The following DAB1 variants were observed in gnomAD, a reference collection of about 807,000 sequenced individuals.
DAB1 encodes the protein DAB adaptor protein 1.
Under a neutral mutation model 64.6 loss-of-function variants are expected in DAB1, and 15 were observed. The observed-to-expected ratio is 0.23, with a 90% CI of 0.16 to 0.36. The LOEUF (loss-of-function observed/expected upper bound fraction) is 0.36. DAB1 is among the 10% of genes least tolerant of loss of function. DAB1 has a pLI of 1.00. For synonymous variants in DAB1, 235 were observed against 251.9 expected (o/e 0.93, Z 0.64); for missense variants, 596 against 706.7 (o/e 0.84, Z 1.78).
At chr1:57,612,221 ATGTGTGTGCGTGTG>A (rs1645736437) in intron 7 of DAB1, among the ~76,000 whole-genome samples, 1 of 109,596 alleles carries the variant, frequency 9.1e-6, no homozygotes, top group Non-Finnish European at 1.9e-5. Flanking sequence ...GTGTGTGTGC[ATGTGTGTGCGTGTG>A]TGTGTGTAAA....
rs566488143 is a variant in DAB1 at position 57,774,083 on chromosome 1, T to A, written n.551+109916A>T. Among the ~76,000 whole-genome samples, 10 of 151,962 alleles carry A rather than the reference T, an allele frequency of 6.6e-5. No homozygotes were observed. The South Asian group carries it at 2.1e-3, about 31-fold the overall frequency. On this transcript the variant is annotated intron_variant and non_coding_transcript_variant, in intron 6 of 20. Transcript: ENST00000485760. ...GAGATCTCCTTGAATCATGAGTTAA[T>A]CTGGGGAAAATGGACATCATAAAAA...
intron 4 of DAB1, among the ~76,000 whole-genome samples, chr1:58,202,738 C>T (rs913223811): frequency 6.6e-5 from 10 of 152,168 alleles, no homozygotes; most frequent in Admixed American, 5.9e-4. Flanking sequence ...CAATAAAAAT[C>T]ACCTGCACTA....
chr1:57,525,097 T>G (rs1644575685), intron 7 of DAB1, among the ~76,000 whole-genome samples: 1 of 152,204 alleles, frequency 6.6e-6, no homozygotes, highest in South Asian at 2.1e-4. Flanking sequence ...GGATCAAAAA[T>G]TGTACCTCCT....
intron 2 of DAB1, among the ~76,000 whole-genome samples, chr1:57,151,801 T>A (rs922114175): frequency 6.7e-6 from 1 of 149,888 alleles, no homozygotes; most frequent in Admixed American, 6.6e-5. Flanking sequence ...TCTTTTCTAA[T>A]GTTTAATTTT....
intron 4 of DAB1, among the ~76,000 whole-genome samples, chr1:58,187,157 A>G (rs1657123729): frequency 6.6e-6 from 1 of 152,080 alleles, no homozygotes; most frequent in Non-Finnish European, 1.5e-5. Context: ...TGAAAGATTA[A>G]TCCACTTTAA....
intron 5 of DAB1, among the ~76,000 whole-genome samples, chr1:57,996,300 T>C (rs116702359): frequency 0.019 from 2,961 of 152,212 alleles, 36 homozygotes; most frequent in Non-Finnish European, 0.03. Context: ...CCATTCAGAA[T>C]TGTGATGAGA....
chr1:58,456,856 AT>A (rs1242121373), intron 3 of DAB1, among the ~76,000 whole-genome samples: 1 of 152,132 alleles, frequency 6.6e-6, no homozygotes, highest in Non-Finnish European at 1.5e-5. Flanking sequence ...GGGCATTGGT[AT>A]TTTTTAAAAA....
At chr1:57,865,972 G>A (rs1569877953) in intron 1 of DAB1, among the ~76,000 whole-genome samples, 3 of 152,244 alleles carry the variant, frequency 2.0e-5, no homozygotes, top group African/African-American at 7.2e-5. Flanking sequence ...TTCAAAGATG[G>A]TGCCTTCCAG....
At chr1:57,850,175 C>A (rs1451659941) in intron 1 of DAB1, among the ~76,000 whole-genome samples, 1 of 152,150 alleles carries the variant, frequency 6.6e-6, no homozygotes, top group East Asian at 1.9e-4. Context: ...ACAGCAGAAA[C>A]CTTTAATGGA....
chr1:57,531,871 G>T (rs1015651176), intron 7 of DAB1, among the ~76,000 whole-genome samples: 1 of 152,136 alleles, frequency 6.6e-6, no homozygotes, highest in African/African-American at 2.4e-5. Context: ...GCTGGGAAGA[G>T]ATATGCAATA....
At chr1:57,002,292 T>G (rs2100211184) in intron 14 of DAB1, among the ~76,000 whole-genome samples, 1 of 152,282 alleles carries the variant, frequency 6.6e-6, no homozygotes, top group East Asian at 1.9e-4. Flanking sequence ...CTGCCAATGA[T>G]CTGCTGCAAA....
At chr1:57,503,208 G>A (rs2793643) in intron 7 of DAB1, among the ~76,000 whole-genome samples, 40,431 of 152,100 alleles carry the variant, frequency 0.27, 5,672 homozygotes, top group African/African-American at 0.36. Flanking sequence ...ACATCATAGG[G>A]TACTGTAGCC....
intron 7 of DAB1, among the ~76,000 whole-genome samples, chr1:57,591,100 C>T (rs1645440904): frequency 6.6e-6 from 1 of 152,102 alleles, no homozygotes. Flanking sequence ...CATGAAAATG[C>T]CAGCGTCCCT....
intron 4 of DAB1, among the ~76,000 whole-genome samples, chr1:58,289,693 C>T (rs374338366): frequency 9.9e-5 from 15 of 152,278 alleles, no homozygotes; most frequent in Non-Finnish European, 7.4e-5. Context: ...GAATTTGCTA[C>T]GGATTCTTAC....
intron 4 of DAB1, among the ~76,000 whole-genome samples, chr1:58,265,350 A>G (rs1185244635): frequency 6.6e-6 from 1 of 152,228 alleles, no homozygotes; most frequent in East Asian, 1.9e-4. Flanking sequence ...GGCAAACTTA[A>G]GAGGAGTCTC....
intron 5 of DAB1, among the ~76,000 whole-genome samples, chr1:58,142,237 C>T (rs1012922018): frequency 2.0e-5 from 3 of 152,160 alleles, no homozygotes; most frequent in African/African-American, 7.2e-5. Context: ...CCCTGCCACT[C>T]GGCTGCCTTG....
intron 6 of DAB1, among the ~76,000 whole-genome samples, chr1:57,688,689 T>C (rs141177711): frequency 6.6e-6 from 1 of 152,230 alleles, no homozygotes; most frequent in African/African-American, 2.4e-5. Flanking sequence ...CGGTGGATTA[T>C]ATAAAGAAAA....
At chr1:57,857,042 A>G (rs1486758865) in intron 1 of DAB1, among the ~76,000 whole-genome samples, 2 of 152,160 alleles carry the variant, frequency 1.3e-5, no homozygotes, top group Admixed American at 6.5e-5. Flanking sequence ...CATCTTTGGA[A>G]AGTGTTCATT....
intron 9 of DAB1, among the ~76,000 whole-genome samples, chr1:57,044,183 T>C (rs1266463155): frequency 6.6e-6 from 1 of 152,230 alleles, no homozygotes; most frequent in Non-Finnish European, 1.5e-5. Flanking sequence ...GTTCATTGCC[T>C]TGTTTGGTTT....
Sources: allele counts gnomAD v4.1 joint callset (sites outside exome capture counted in the v4.1 genomes callset), GRCh38; gene constraint gnomAD v4.1.1; transcripts MANE v1.5; gene names NCBI Gene and HGNC (gene_info 2026-07-23, HGNC 2026-07-21).